Variants in WIF1 observed in about 807,000 individuals in gnomAD.
WIF1 encodes Wnt inhibitory factor 1.
Under a neutral mutation model 53.5 loss-of-function variants are expected in WIF1, and 35 were observed. That is an observed-to-expected ratio of 0.65 (90% confidence interval 0.50 to 0.87). The LOEUF (loss-of-function observed/expected upper bound fraction) is 0.87, where lower values mean the gene tolerates loss of function less well. Ranked by LOEUF, WIF1 falls within the 40% of genes least tolerant of loss-of-function variation. The probability of loss-of-function intolerance (pLI) is 0.00; values close to 1 mark genes in which losing one functional copy is unlikely to be tolerated. For synonymous variants in WIF1, 171 were observed against 170.4 expected (o/e 1.00, Z -0.03); for missense variants, 467 against 476.8 (o/e 0.98, Z 0.19).
chr12:65,075,250 A>C (rs1455571645), intron 3 of WIF1, among the ~76,000 whole-genome samples: 1 of 152,218 alleles, frequency 6.6e-6, no homozygotes, highest in Non-Finnish European at 1.5e-5. Context: ...ATGGCACTGG[A>C]ATGCAACAAG....
intron 6 of WIF1, 82 bp downstream of exon 6, chr12:65,066,559 G>T: frequency 8.8e-7 from 1 of 1,137,698 alleles, no homozygotes; most frequent in Non-Finnish European, 1.2e-6. Flanking sequence ...CTGTTATGAA[G>T]AGTGAGGACA....
At chr12:65,108,833 A>G (rs1487179967) in intron 2 of WIF1, among the ~76,000 whole-genome samples, 1 of 152,168 alleles carries the variant, frequency 6.6e-6, no homozygotes, top group Non-Finnish European at 1.5e-5. Context: ...CCTACCTTAC[A>G]TTTATATTCT....
chr12:65,063,900 T>G (rs1882650649), intron 6 of WIF1, among the ~76,000 whole-genome samples: 1 of 152,094 alleles, frequency 6.6e-6, no homozygotes, highest in South Asian at 2.1e-4. Flanking sequence ...TTTTTCTGTA[T>G]AGATGGAGTC....
intron 2 of WIF1, among the ~76,000 whole-genome samples, chr12:65,091,843 G>C (rs1170871669): frequency 6.6e-6 from 1 of 152,136 alleles, no homozygotes; most frequent in Non-Finnish European, 1.5e-5. Flanking sequence ...CATTCACCCA[G>C]TAAATATTTA....
intron 2 of WIF1, among the ~76,000 whole-genome samples, chr12:65,113,428 A>G (rs925840088): frequency 6.6e-6 from 1 of 152,130 alleles, no homozygotes; most frequent in African/African-American, 2.4e-5. Context: ...TGTGCGAGCA[A>G]TTTAGAATCA....
At chr12:65,077,206 T>C (rs1218846467) in intron 3 of WIF1, among the ~76,000 whole-genome samples, 1 of 152,216 alleles carries the variant, frequency 6.6e-6, no homozygotes, top group Non-Finnish European at 1.5e-5. Flanking sequence ...TGTTGTAAGC[T>C]GAAAAGCTTT....
chr12:65,077,669 A>T lies in WIF1; in HGVS notation c.397+77T>A, dbSNP rs557443395. ...AAACATTTCATAACCTCTCTGATGTAGGACATTTGCATCTTAAATATTCTT... is the reference window on the plus strand; with the variant it reads ...AAACATTTCATAACCTCTCTGATGTTGGACATTTGCATCTTAAATATTCTT... On this transcript the variant is annotated intron_variant, in intron 3 of 9. Coordinates refer to ENST00000286574, the MANE Select transcript of WIF1 (RefSeq NM_007191.5). 22 of 1,057,796 alleles carry T rather than the reference A, an allele frequency of 2.1e-5. No homozygotes were observed. In the African/African-American group the frequency reaches 3.0e-4, roughly 14 times the overall value. The allele number at this position is 1,057,796 out of a possible 1,614,324, so 65.5% of individuals were successfully genotyped here.
Position 65,062,518 on chromosome 12 carries a change from A to G in WIF1, c.789T>C (p.Ile263=), listed in dbSNP as rs766054259. The part of the protein sequence containing the change: ...GGTCFYPGKC[I]CPPGLEGEQC... The stretch of plus-strand genomic sequence containing the variant: ...GCTCTCCCTCTAGTCCTGGAGGGCA[A>G]ATACATTTTCCAGGGTAGAAACAGG... The change falls in exon 7 of 10, where the codon ATT becomes ATC. Residue 263 remains isoleucine, a synonymous_variant. Transcript: ENST00000286574. 1 of 1,608,986 alleles carries G rather than the reference A, an allele frequency of 6.2e-7. No homozygotes were observed. Among genetic ancestry groups the G allele is most frequent in the South Asian group, 1.1e-5 (1 of 90,108 alleles).
At chr12:65,078,430 G>A (rs1231899683) in intron 2 of WIF1, among the ~76,000 whole-genome samples, 1 of 151,718 alleles carries the variant, frequency 6.6e-6, no homozygotes, top group Non-Finnish European at 1.5e-5. Flanking sequence ...AAAAGATTGA[G>A]AAAAAAAATT....
intron 2 of WIF1, among the ~76,000 whole-genome samples, chr12:65,093,850 G>A (rs1286060561): frequency 6.6e-6 from 1 of 152,126 alleles, no homozygotes; most frequent in African/African-American, 2.4e-5. Context: ...CTAAGCCTTT[G>A]TTCTTGAGGC....
At position 65,067,776 on chromosome 12, in the gene WIF1, C is replaced by T. The variant is rs753641125; in HGVS notation, c.553G>A (p.Gly185Arg). Residue 185 changes from glycine to arginine, a missense_variant, in exon 5 of 10, where the codon GGG becomes AGG. Physicochemically the swap from Gly to Arg is moderately radical, Grantham distance 125. Coordinates refer to ENST00000286574, the MANE Select transcript of WIF1 (RefSeq NM_007191.5). ...KTCQQAECPGGCRNGGFCNER... is the reference protein window; with the variant it reads ...KTCQQAECPGRCRNGGFCNER... ...TTACAAAAGCCTCCATTTCGGCACC[C>T]GCCTGGGCACTCAGCTTCAGCAGAG... The T allele has an allele frequency of 1.5e-5, 25 of 1,613,148 alleles. No homozygotes were observed. The highest frequency in any genetic ancestry group is 1.8e-5 in the Non-Finnish European group (21 of 1,179,374).
intron 2 of WIF1, among the ~76,000 whole-genome samples, chr12:65,097,421 T>C (rs1883222438): frequency 6.6e-6 from 1 of 152,182 alleles, no homozygotes; most frequent in South Asian, 2.1e-4. Context: ...TCTACCGTTC[T>C]AGGGGATGGC....
intron 2 of WIF1, among the ~76,000 whole-genome samples, chr12:65,092,425 T>C (rs905173552): frequency 1.1e-4 from 16 of 149,924 alleles, no homozygotes; most frequent in African/African-American, 3.7e-4. Context: ...AGAACATACA[T>C]ATATATATGT....
intron 6 of WIF1, among the ~76,000 whole-genome samples, chr12:65,063,698 CT>C (rs34354517): frequency 0.55 from 71,771 of 131,686 alleles, 18,251 homozygotes; most frequent in East Asian, 0.69. Context: ...AATCAAAACT[CT>C]TTTTTTTTTT....
chr12:65,085,311 A>G (rs886124244), intron 2 of WIF1, among the ~76,000 whole-genome samples: 1 of 152,158 alleles, frequency 6.6e-6, no homozygotes, highest in African/African-American at 2.4e-5. Flanking sequence ...CCAAGTCTAA[A>G]CACAAAATTC....
chr12:65,060,255 G>T (rs1001312570), intron 7 of WIF1, among the ~76,000 whole-genome samples: 1 of 152,130 alleles, frequency 6.6e-6, no homozygotes, highest in African/African-American at 2.4e-5. Context: ...GATTTTCATA[G>T]CCATATTATT....
chr12:65,100,355 A>G (rs1883264612), intron 2 of WIF1, among the ~76,000 whole-genome samples: 1 of 152,220 alleles, frequency 6.6e-6, no homozygotes, highest in Admixed American at 6.5e-5. Context: ...TGCCCCCTAC[A>G]GTATAAAATT....
chr12:65,067,058 C>T (rs1419180839), intron 5 of WIF1, among the ~76,000 whole-genome samples: 1 of 151,954 alleles, frequency 6.6e-6, no homozygotes, highest in African/African-American at 2.4e-5. Flanking sequence ...GCCCCATTTG[C>T]TTAATCTTCT....
intron 8 of WIF1, 65 bp from the exon 9 acceptor site, chr12:65,055,278 T>G: frequency 6.5e-7 from 1 of 1,535,380 alleles, no homozygotes; most frequent in Middle Eastern, 1.7e-4. Flanking sequence ...ATTACATAGT[T>G]GCTTTCCTTG....
Sources: allele counts gnomAD v4.1 joint callset (sites outside exome capture counted in the v4.1 genomes callset), GRCh38; gene constraint gnomAD v4.1.1; transcripts MANE v1.5; gene names NCBI Gene and HGNC (gene_info 2026-07-23, HGNC 2026-07-21).